Variants in SEC14L1 observed in about 807,000 individuals in gnomAD.
SEC14L1 encodes SEC14-like protein 1.
A neutral mutation model predicts 85.3 loss-of-function variants in SEC14L1; 48 were observed. The observed-to-expected ratio is 0.56, with a 90% CI of 0.45 to 0.72. The LOEUF (loss-of-function observed/expected upper bound fraction) is 0.72. Among genes scored for constraint, SEC14L1 ranks in the 30% least tolerant of loss-of-function variants. The pLI is 0.00. For missense variants in SEC14L1, 682 were observed against 921.4 expected (o/e 0.74, Z 3.36); for synonymous variants, 391 against 355.5 (o/e 1.10, Z -1.12).
At chr17:77,133,900 C>G (rs1349924545) in intron 3 of SEC14L1, among the ~76,000 whole-genome samples, 1 of 136,426 alleles carries the variant, frequency 7.3e-6, no homozygotes, top group African/African-American at 2.7e-5. Flanking sequence ...GATCATGCCA[C>G]TGTACTCCAG....
At chr17:77,139,146 A>G (rs1454487664), upstream of SEC14L1, among the ~76,000 whole-genome samples, 1 of 149,092 alleles carries the variant, frequency 6.7e-6, no homozygotes, top group East Asian at 2.0e-4. Flanking sequence ...CTAGAAGTTC[A>G]GCAGGTCAGG....
rs868436142 is a variant in SEC14L1, at chr17:77,214,752, T to C, written c.*729T>C. The C allele has an allele frequency of 1.0e-6, 1 of 985,452 alleles. No homozygotes were observed. Among genetic ancestry groups the C allele is most frequent in the African/African-American group, 1.7e-5 (1 of 57,334 alleles). The allele number at this position is 985,452 out of a possible 1,614,324, so 61.0% of individuals were successfully genotyped here. On this transcript the variant is annotated 3_prime_UTR_variant, in exon 17 of 17. Coordinates refer to ENST00000436233, the MANE Select transcript of SEC14L1 (RefSeq NM_001143998.2). ...CTTTTTGATACTTTTTAGAGCAGGA[T>C]TTTTCTGTATGTGAACTTGGGTGGG...
At chr17:77,145,044 G>A (rs946795401) in intron 3 of SEC14L1, 29 of 152,076 alleles carry the variant, frequency 1.9e-4, no homozygotes, top group African/African-American at 7.0e-4. Context: ...GAATAGCTGC[G>A]ATTACAGGTG....
rs369127126 is a variant in SEC14L1, at chr17:77,179,350, G to A, written c.64-11453G>A. Among the ~76,000 whole-genome samples, 7 of 152,300 alleles carry A rather than the reference G, an allele frequency of 4.6e-5. 1 individual carries two copies. The highest frequency in any genetic ancestry group is 1.4e-4 in the African/African-American group (6 of 41,570). On this transcript the variant is annotated intron_variant, in intron 3 of 16. Transcript: ENST00000436233. Reference sequence around the variant, plus strand: ...CTTGGAAGTGCAAATGTTTTGGTGCGTGGCATGTGAGCAACATGTTTACTG... The same window carrying A: ...CTTGGAAGTGCAAATGTTTTGGTGCATGGCATGTGAGCAACATGTTTACTG...
At chr17:77,207,636 G>A (rs945667405) in intron 13 of SEC14L1, among the ~76,000 whole-genome samples, 1 of 152,096 alleles carries the variant, frequency 6.6e-6, no homozygotes, top group Non-Finnish European at 1.5e-5. Flanking sequence ...ATTTTTAGTA[G>A]AGATGGGGTT....
intron 3 of SEC14L1, among the ~76,000 whole-genome samples, chr17:77,163,601 C>G (rs1974160898): frequency 6.6e-6 from 1 of 152,212 alleles, no homozygotes; most frequent in Non-Finnish European, 1.5e-5. Context: ...TCAGACTTTT[C>G]TGAGCCTGTT....
At chr17:77,109,558 G>A (rs1187045443) in intron 3 of SEC14L1, among the ~76,000 whole-genome samples, 1 of 152,210 alleles carries the variant, frequency 6.6e-6, no homozygotes, top group South Asian at 2.1e-4. Flanking sequence ...TGCTGAGCAC[G>A]GGTGACTCCA....
rs546066716 is a variant in SEC14L1, at chr17:77,181,943, A to G, written c.64-8860A>G. On this transcript the variant is annotated intron_variant, in intron 3 of 16. Transcript: ENST00000436233. The stretch of plus-strand genomic sequence containing the variant: ...TAATGCAGCCTACAAAGTTGGACAC[A>G]TTTTCTTGATATGTTGAATACTTGT... 4.0e-5 allele frequency among the ~76,000 whole-genome samples: 6 copies of G among 151,398 alleles called. No individual in the cohort carries two copies. The South Asian group carries it at 1.3e-3, about 32-fold the overall frequency.
chr17:77,103,794 T>C (rs1443565593), intron 3 of SEC14L1, among the ~76,000 whole-genome samples: 2 of 150,342 alleles, frequency 1.3e-5, no homozygotes, highest in African/African-American at 2.5e-5. Context: ...TTGTTTTTCA[T>C]TTGACACTGA....
intron 2 of SEC14L1, among the ~76,000 whole-genome samples, chr17:77,090,978 A>C (rs1971501603): frequency 6.6e-6 from 1 of 152,040 alleles, no homozygotes; most frequent in African/African-American, 2.4e-5. Context: ...TCAAAAAAAA[A>C]AAAAAAAGAT....
rs773996990 is a variant in SEC14L1 at position 77,213,383 on chromosome 17, G to A, written c.1933G>A (p.Ala645Thr). 4 of 1,613,198 alleles carry A rather than the reference G, an allele frequency of 2.5e-6. No individual in the cohort carries two copies. Among genetic ancestry groups the A allele is most frequent in the Non-Finnish European group, 3.4e-6 (4 of 1,179,944 alleles). The change falls in exon 16 of 17, where the codon GCC (alanine) becomes ACC (threonine). Residue 645 changes from alanine (A) to threonine (T), a missense_variant. Around this residue, in one of 3 missense-constraint regions of SEC14L1, gnomAD observed 420 missense variants for 619.5 expected, o/e 0.68. Coordinates refer to ENST00000436233, the MANE Select transcript of SEC14L1 (RefSeq NM_001143998.2). This position sits in a 1 kb window ranked among gnomAD's most constrained non-coding sequence, Gnocchi z 7.1. ...GAAATTCCACAGCATGCCTGCGTGC[G>A]CCGCCAGCAGCCTTCCCCGGGTGGA... ...QWKFHSMPAC[A>T]ASSLPRVDDV...
chr17:77,179,049 G>A (rs1331153693), intron 3 of SEC14L1, among the ~76,000 whole-genome samples: 1 of 152,198 alleles, frequency 6.6e-6, no homozygotes, highest in Non-Finnish European at 1.5e-5. Context: ...TCTTTCTCCT[G>A]TCCTCTAGCA....
At chr17:77,163,723 C>T (rs1012700790) in intron 3 of SEC14L1, among the ~76,000 whole-genome samples, 8 of 152,190 alleles carry the variant, frequency 5.3e-5, no homozygotes, top group Admixed American at 3.3e-4. Flanking sequence ...CGGCTCGCAG[C>T]GGGGCCACAT....
At chr17:77,178,964 A>T (rs1396499503) in intron 3 of SEC14L1, among the ~76,000 whole-genome samples, 1 of 152,190 alleles carries the variant, frequency 6.6e-6, no homozygotes, top group African/African-American at 2.4e-5. Flanking sequence ...TTAACACCCC[A>T]GGTGGCACGG....
At chr17:77,115,632 C>G (rs1037143082) in intron 3 of SEC14L1, among the ~76,000 whole-genome samples, 1 of 152,040 alleles carries the variant, frequency 6.6e-6, no homozygotes, top group African/African-American at 2.4e-5. Flanking sequence ...TGATGCTGCC[C>G]CCTCCAAGAG....
upstream of SEC14L1, among the ~76,000 whole-genome samples, chr17:77,136,656 G>A (rs114781090): frequency 6.6e-6 from 1 of 152,290 alleles, no homozygotes; most frequent in African/African-American, 2.4e-5. Flanking sequence ...GCATGTGTGT[G>A]CACGTGTTTG....
At chr17:77,202,982 GGGGT>G (rs1976249703) in intron 9 of SEC14L1, among the ~76,000 whole-genome samples, 1 of 151,612 alleles carries the variant, frequency 6.6e-6, no homozygotes, top group Non-Finnish European at 1.5e-5. Flanking sequence ...GCTGCTTGGT[GGGGT>G]TTTAAGGATT....
At chr17:77,202,854 GGTTGCAGTGAGCTGA>G (rs1976227975) in intron 9 of SEC14L1, among the ~76,000 whole-genome samples, 1 of 151,890 alleles carries the variant, frequency 6.6e-6, no homozygotes, top group Non-Finnish European at 1.5e-5. Flanking sequence ...TGCAGGCAGA[GGTTGCAGTGAGCTGA>G]GATCGTGCCA....
intron 6 of SEC14L1, 73 bp from the exon 7 acceptor site, chr17:77,194,604 G>A: frequency 1.6e-6 from 2 of 1,232,718 alleles, no homozygotes; most frequent in Non-Finnish European, 2.3e-6. Context: ...TAGAAAAAAA[G>A]AAAAATCTTG....
Sources: gnomAD v4.1 joint callset for allele counts (sites outside exome capture counted in the v4.1 genomes callset) on GRCh38, gnomAD v4.1.1 for gene constraint, gnomAD v4.1.1 regional missense constraint, Gnocchi (gnomAD v3.1) non-coding constraint, MANE v1.5 for transcripts, NCBI Gene and HGNC (gene_info 2026-07-23, HGNC 2026-07-21) for gene names.